Variants in CNTNAP2 observed in about 807,000 individuals in gnomAD.
CNTNAP2 encodes the protein contactin-associated protein-like 2.
In CNTNAP2, 98 loss-of-function variants were observed where a neutral mutation model predicts 155.2. The observed-to-expected ratio is 0.63, with a 90% CI of 0.54 to 0.75. CNTNAP2 has a LOEUF of 0.75. Among genes scored for constraint, CNTNAP2 ranks in the 30% least tolerant of loss-of-function variants. The pLI, the probability that CNTNAP2 is intolerant of heterozygous loss-of-function variation, is 0.00. For synonymous variants in CNTNAP2, 651 were observed against 631.2 expected (o/e 1.03, Z -0.47); for missense variants, 1,727 against 1,688.1 (o/e 1.02, Z -0.40).
In CNTNAP2 at chr7:147,344,182, C is replaced by T. The variant is rs184204746; in HGVS notation, c.1498+43892C>T. Among the ~76,000 whole-genome samples, 194 of 152,226 alleles carry T rather than the reference C, an allele frequency of 1.3e-3. 1 individual carries two copies. Among genetic ancestry groups the T allele is most frequent in the African/African-American group, 4.3e-3 (177 of 41,548 alleles). On this transcript the variant is annotated intron_variant, in intron 9 of 23. Transcript: ENST00000361727. The stretch of plus-strand genomic sequence containing the variant: ...CTGACTCCAAAGAATGAGCAGTTGC[C>T]AGTAGCGCTGATTTAGAATCATCAA...
intron 18 of CNTNAP2, among the ~76,000 whole-genome samples, chr7:148,204,233 G>C (rs1795411720): frequency 6.6e-6 from 1 of 152,240 alleles, no homozygotes; most frequent in African/African-American, 2.4e-5. Flanking sequence ...AAGGCAGAAG[G>C]CTTGAGGACG....
Position 146,971,801 on chromosome 7 carries a change from C to T in CNTNAP2, c.403-72106C>T, listed in dbSNP as rs1351808392. ...TCCCATAAGACCCCACCTGCTAATA[C>T]CCCCACCTGCTAATACCCATCATGG... On this transcript the variant is annotated intron_variant, in intron 3 of 23. Transcript: ENST00000361727. 4.6e-5 allele frequency among the ~76,000 whole-genome samples: 7 copies of T among 152,188 alleles called. No homozygotes were observed. In the South Asian group the frequency reaches 1.2e-3, roughly 27 times the overall value.
chr7:146,116,897 CG>C lies in CNTNAP2; in HGVS notation c.23del (p.Gly8AlafsTer58). The C allele has an allele frequency of 1.3e-6, 2 of 1,546,584 alleles. No homozygotes were observed. Among genetic ancestry groups the C allele is most frequent in the Non-Finnish European group, 1.7e-6 (2 of 1,143,798 alleles). On this transcript the variant is annotated frameshift_variant, in exon 1 of 24. Transcript: ENST00000361727. LOFTEE classifies it high-confidence loss of function. The surrounding 1 kb of genome is among the most constrained non-coding windows in gnomAD (Gnocchi z 5.5). MQAAPRA[G>X]CGAALLLWIV... The stretch of plus-strand genomic sequence containing the variant: ...GAAGGATGCAGGCGGCTCCGCGCGC[CG>C]GCTGCGGGGCAGCGCTCCTGCTGTG...
intron 1 of CNTNAP2, among the ~76,000 whole-genome samples, chr7:146,165,733 T>G (rs1584782550): frequency 6.6e-6 from 1 of 152,314 alleles, no homozygotes; most frequent in Non-Finnish European, 1.5e-5. Flanking sequence ...ACATAAAAAC[T>G]TTATGTGAGA....
At chr7:148,050,121 C>T (rs1802860085) in intron 15 of CNTNAP2, among the ~76,000 whole-genome samples, 1 of 152,188 alleles carries the variant, frequency 6.6e-6, no homozygotes, top group South Asian at 2.1e-4. Context: ...GATCGCGCCA[C>T]TGCACTCCAG....
At chr7:147,451,420 C>T (rs569318891) in intron 10 of CNTNAP2, among the ~76,000 whole-genome samples, 1 of 152,228 alleles carries the variant, frequency 6.6e-6, no homozygotes, top group South Asian at 2.1e-4. Flanking sequence ...TCACAAATTT[C>T]AGACAACATA....
chr7:146,624,275 A>T (rs1203667618), intron 1 of CNTNAP2, among the ~76,000 whole-genome samples: 15 of 152,024 alleles, frequency 9.9e-5, no homozygotes, highest in Admixed American at 9.8e-4. Flanking sequence ...AACGTCCAAG[A>T]TCAATTTTTT....
chr7:147,203,864 A>AT, intron 8 of CNTNAP2, among the ~76,000 whole-genome samples: 1 of 152,248 alleles, frequency 6.6e-6, no homozygotes, highest in South Asian at 2.1e-4. Context: ...CTAGAATAAA[A>AT]AGCAACAATA....
chr7:146,366,385 T>C (rs1795155906), intron 1 of CNTNAP2, among the ~76,000 whole-genome samples: 1 of 152,304 alleles, frequency 6.6e-6, no homozygotes, highest in South Asian at 2.1e-4. Flanking sequence ...TATTAAATAC[T>C]TTAATAAGTA....
intron 12 of CNTNAP2, among the ~76,000 whole-genome samples, chr7:147,619,015 G>A (rs1801345371): frequency 6.6e-6 from 1 of 152,166 alleles, no homozygotes; most frequent in South Asian, 2.1e-4. Context: ...TCCAGAGTAT[G>A]TTCCATACAT....
intron 8 of CNTNAP2, among the ~76,000 whole-genome samples, chr7:147,214,758 G>A (rs892080797): frequency 5.9e-5 from 9 of 152,120 alleles, no homozygotes; most frequent in African/African-American, 2.2e-4. Flanking sequence ...CACATGCATA[G>A]CCTCCTCCAT....
chr7:146,686,060 G>A (rs1800593103), intron 1 of CNTNAP2, among the ~76,000 whole-genome samples: 1 of 152,140 alleles, frequency 6.6e-6, no homozygotes, highest in Non-Finnish European at 1.5e-5. Context: ...ACTTTGGGAG[G>A]CTGACACTGG....
At chr7:148,061,621 C>T (rs187116186) in intron 15 of CNTNAP2, among the ~76,000 whole-genome samples, 16 of 152,036 alleles carry the variant, frequency 1.1e-4, no homozygotes, top group Admixed American at 6.6e-4. Flanking sequence ...TCCCAAAATA[C>T]TGTGATTACA....
chr7:148,184,738 G>C (rs189901720), intron 18 of CNTNAP2, among the ~76,000 whole-genome samples: 92 of 152,250 alleles, frequency 6.0e-4, no homozygotes, highest in African/African-American at 2.0e-3. Context: ...ATATTATATA[G>C]AACAGTGGAA....
chr7:146,721,439 ATATATACATTCTATATACATTT>A lies in CNTNAP2; in HGVS notation c.98-52814_98-52793del, dbSNP rs1563203591. On this transcript the variant is annotated intron_variant, in intron 1 of 23. Transcript: ENST00000361727. ...TATATATACATTCTATATATATTCT[ATATATACATTCTATATACATTT>A]TATATACATTCTATATATATTCTAT... Among the ~76,000 whole-genome samples the A allele has an allele frequency of 9.0e-5, 11 of 121,614 alleles. No individual in the cohort carries two copies. In the East Asian group the frequency reaches 9.9e-4, roughly 11 times the overall value. 79.8% of individuals were successfully genotyped at this position (121,614 alleles called of 152,430 possible).
chr7:146,566,546 A>G (rs1798359050), intron 1 of CNTNAP2, among the ~76,000 whole-genome samples: 1 of 151,988 alleles, frequency 6.6e-6, no homozygotes, highest in South Asian at 2.1e-4. Context: ...TTACAAAACA[A>G]ATTAGCTGGG....
chr7:147,047,759 C>T (rs551988178), intron 4 of CNTNAP2, among the ~76,000 whole-genome samples: 1 of 152,208 alleles, frequency 6.6e-6, no homozygotes, highest in Non-Finnish European at 1.5e-5. Context: ...TCCATCAAGC[C>T]TGGGCTTTGA....
At chr7:146,668,884 C>A (rs1265967483) in intron 1 of CNTNAP2, among the ~76,000 whole-genome samples, 1 of 151,884 alleles carries the variant, frequency 6.6e-6, no homozygotes, top group Non-Finnish European at 1.5e-5. Flanking sequence ...TTTGGGTTTT[C>A]TTTCTCACTT....
At position 146,220,221 on chromosome 7, in the gene CNTNAP2, C is replaced by T. The variant is rs914475746; in HGVS notation, c.97+103248C>T. ...AATGTGATATATTTTGTGACTTTGGCGTCAAGGAATGCTTGTATAAGATGT... is the reference window on the plus strand; with the variant it reads ...AATGTGATATATTTTGTGACTTTGGTGTCAAGGAATGCTTGTATAAGATGT... On this transcript the variant is annotated intron_variant, in intron 1 of 23. Transcript: ENST00000361727. Among the ~76,000 whole-genome samples, 3 of 151,964 alleles carry T rather than the reference C, an allele frequency of 2.0e-5. No individual in the cohort carries two copies. In the East Asian group the frequency reaches 5.8e-4, roughly 29 times the overall value.
Sources: allele counts gnomAD v4.1 joint callset (sites outside exome capture counted in the v4.1 genomes callset), GRCh38; gene constraint gnomAD v4.1.1; non-coding constraint Gnocchi (gnomAD v3.1); transcripts MANE v1.5; gene names NCBI Gene and HGNC (gene_info 2026-07-23, HGNC 2026-07-21).